SPATA20: variants seen among roughly 807,000 people sequenced by gnomAD.
SPATA20 encodes the protein spermatogenesis-associated protein 20.
In SPATA20, 74 loss-of-function variants were observed where a neutral mutation model predicts 98.9. The observed-to-expected ratio is 0.75, with a 90% CI of 0.62 to 0.91. The LOEUF (loss-of-function observed/expected upper bound fraction) is 0.91. Ranked by LOEUF, SPATA20 falls within the 40% of genes least tolerant of loss-of-function variation. SPATA20 has a pLI of 0.00. For missense variants in SPATA20, 1,016 were observed against 1,069.8 expected (o/e 0.95, Z 0.70); for synonymous variants, 430 against 440.5 (o/e 0.98, Z 0.30).
rs940059003 is a variant in SPATA20 at position 50,554,344 on chromosome 17, A to G, written c.2051A>G (p.Lys684Arg). 17 of 1,614,048 alleles carry G rather than the reference A, an allele frequency of 1.1e-5. No homozygotes were observed. The highest frequency in any genetic ancestry group is 1.7e-5 in the Admixed American group (1 of 60,008). Residue 684 changes from lysine to arginine, a missense_variant, in exon 15 of 17, where the codon AAG (lysine) becomes AGG (arginine). Physicochemically the swap from Lys to Arg is conservative, Grantham distance 26. Transcript: ENST00000006658. ...ACGGGCCACAAGGACTGGATGGACAAGTGTGTGTGCCTATTGACCGCCTTT... is the reference window on the plus strand; with the variant it reads ...ACGGGCCACAAGGACTGGATGGACAGGTGTGTGTGCCTATTGACCGCCTTT... ...GFTGHKDWMD[K>R]CVCLLTAFSE...
chr17:50,550,539 T>C lies in SPATA20; in HGVS notation c.1102T>C (p.Ser368Pro), dbSNP rs2034994939. The change falls in exon 10 of 17, where the codon TCT (serine) becomes CCT (proline). Residue 368 changes from serine to proline, a missense_variant. By Grantham distance (74) the Ser-to-Pro change is moderately conservative. Transcript: ENST00000006658. ...TCTCCTTTCTTCCCTTTCTTAGCTCTCTGGTGATGAATTCTACTCTGACGT... is the reference window on the plus strand; with the variant it reads ...TCTCCTTTCTTCCCTTTCTTAGCTCCCTGGTGATGAATTCTACTCTGACGT... ...AVAYSQAFQL[S>P]GDEFYSDVAK... 1 of 1,613,992 alleles carries C rather than the reference T, an allele frequency of 6.2e-7. No homozygotes were observed. Among genetic ancestry groups the C allele is most frequent in the Non-Finnish European group, 8.5e-7 (1 of 1,179,898 alleles).
intron 11 of SPATA20, 31 bp downstream of exon 11, chr17:50,550,948 C>T: frequency 6.2e-7 from 1 of 1,612,316 alleles, no homozygotes; most frequent in East Asian, 2.2e-5. Flanking sequence ...CTGACGGGCC[C>T]TGGTGCCTGC....
intron 1 of SPATA20, 96 bp from the exon 2 acceptor site, chr17:50,547,624 G>C: frequency 1.3e-6 from 1 of 766,650 alleles, no homozygotes; most frequent in South Asian, 1.4e-5. Flanking sequence ...CCTGTGCCCT[G>C]TCACAGTCCT....
intron 14 of SPATA20, 148 bp downstream of exon 14, chr17:50,552,328 C>T (rs2035029962): frequency 3.0e-6 from 2 of 666,818 alleles, no homozygotes; most frequent in African/African-American, 1.8e-5. Context: ...ATTTCTGTGT[C>T]TCAATTTCTT....
chr17:50,551,278 C>G, intron 12 of SPATA20, 88 bp downstream of exon 12: 2 of 1,302,690 alleles, frequency 1.5e-6, no homozygotes, highest in Non-Finnish European at 1.1e-6. Flanking sequence ...AATGCTCACT[C>G]TCCCTTGATT....
chr17:50,548,946 G>A lies in SPATA20; in HGVS notation c.498G>A (p.Val166=), dbSNP rs2034961589. The A allele has an allele frequency of 1.2e-6, 2 of 1,614,052 alleles. No individual in the cohort carries two copies. Among genetic ancestry groups the A allele is most frequent in the South Asian group, 2.2e-5 (2 of 91,094 alleles). ...AGGAGCGGCCTGACGTGGACAAGGTGTACATGACGTTCGTGCAGGTGAGCA... is the reference window on the plus strand; with the variant it reads ...AGGAGCGGCCTGACGTGGACAAGGTATACATGACGTTCGTGCAGGTGAGCA... ...DREERPDVDK[V]YMTFVQATSS... Residue 166 remains valine, a synonymous_variant, in exon 5 of 17, where the codon GTG becomes GTA. Transcript: ENST00000006658.
At chr17:50,555,152 G>A in intron 15 of SPATA20, 80 bp from the exon 16 acceptor site, 1 of 1,114,166 alleles carries the variant, frequency 9.0e-7, no homozygotes, top group South Asian at 1.3e-5. Flanking sequence ...GGGGCGGAAG[G>A]AGGATGGGGA....
intron 16 of SPATA20, 71 bp downstream of exon 16, chr17:50,555,383 TCTC>T: frequency 1.3e-6 from 2 of 1,596,698 alleles, no homozygotes. Context: ...CTCCTCAACA[TCTC>T]CTTCCCCTCA....
chr17:50,555,646 A>G lies in SPATA20; in HGVS notation c.2393A>G (p.Lys798Arg). 1 of 1,613,908 alleles carries G rather than the reference A, an allele frequency of 6.2e-7. No homozygotes were observed. The highest frequency in any genetic ancestry group is 8.5e-7 in the Non-Finnish European group (1 of 1,179,928). ...ATCACTGATCCCTGCGAATTACGAAAACTACTACATCCATGACTGCCCCAA... is the reference window on the plus strand; with the variant it reads ...ATCACTGATCCCTGCGAATTACGAAGACTACTACATCCATGACTGCCCCAA... ...VPITDPCELR[K>R]LLHP Residue 798 changes from lysine (K) to arginine (R), a missense_variant, in exon 17 of 17, where the codon AAA (lysine) becomes AGA (arginine). Transcript: ENST00000006658.
rs2034966314 is a variant in SPATA20 at position 50,549,155 on chromosome 17, T to C, written c.629T>C (p.Phe210Ser). Residue 210 changes from phenylalanine (F) to serine (S), a missense_variant, in exon 6 of 17, where the codon TTC becomes TCC. Phe to Ser is a radical substitution (Grantham distance 155, BLOSUM62 -2). Transcript: ENST00000006658. ...PPEDGLTRVG[F>S]RTVLLRIREQ... The stretch of plus-strand genomic sequence containing the variant: ...GAGGATGGCTTGACCCGAGTCGGCT[T>C]CCGCACAGTGTTGCTGAGAATACGA... 2.5e-6 allele frequency: 4 copies of C among 1,607,674 alleles called. No individual in the cohort carries two copies. Among genetic ancestry groups the C allele is most frequent in the Non-Finnish European group, 2.5e-6 (3 of 1,176,562 alleles).
chr17:50,552,369 T>C (rs555319951), intron 14 of SPATA20, among the ~76,000 whole-genome samples, 189 bp downstream of exon 14: 5 of 152,330 alleles, frequency 3.3e-5, no homozygotes, highest in Admixed American at 2.6e-4. Flanking sequence ...TCTTGCTATG[T>C]TGCCCAGGCT....
rs1567911072 is a variant in SPATA20 at position 50,552,049 on chromosome 17, A to G, written c.1826A>G (p.Glu609Gly). The G allele has an allele frequency of 6.2e-7, 1 of 1,613,804 alleles. No homozygotes were observed. Residue 609 changes from glutamate to glycine, a missense_variant, in exon 14 of 17, where the codon GAG (glutamate) becomes GGG (glycine). Physicochemically the swap from Glu to Gly is moderately conservative, Grantham distance 98 (BLOSUM62 -2). Transcript: ENST00000006658. ...GLLDLYEASQ[E>G]SAWLEWALRL... ...CTGGACCTGTATGAGGCCTCACAGG[A>G]GAGTGCGTGGCTCGAGTGGGCTCTG...
chr17:50,553,035 C>T (rs1001217182), intron 14 of SPATA20, among the ~76,000 whole-genome samples: 8 of 152,088 alleles, frequency 5.3e-5, no homozygotes, highest in East Asian at 3.9e-4. Context: ...GGGGAGACAG[C>T]GAAAATGCAG....
chr17:50,555,132 G>C (rs1277746785), intron 15 of SPATA20, 100 bp from the exon 16 acceptor site: 1 of 905,502 alleles, frequency 1.1e-6, no homozygotes, highest in African/African-American at 1.6e-5. Context: ...CCTTCTTAGA[G>C]ATATACGGTG....
At chr17:50,551,893 G>A (rs984782799) in intron 13 of SPATA20, 76 bp from the exon 14 acceptor site, 19 of 1,383,808 alleles carry the variant, frequency 1.4e-5, no homozygotes, top group East Asian at 5.0e-5. Flanking sequence ...GAACAAATGC[G>A]TGAAAGGGCC....
rs2034984453 is a variant in SPATA20, at chr17:50,549,988, T to G, written c.866T>G (p.Ile289Ser). Residue 289 changes from isoleucine (I) to serine (S), a missense_variant, in exon 8 of 17, where the codon ATC (isoleucine) becomes AGC (serine). Ile to Ser is a moderately radical substitution (Grantham distance 142, BLOSUM62 -2). Transcript: ENST00000006658. The part of the protein sequence containing the change: ...AEAPKFPTPV[I>S]LSFLFSYWLS... ...CATGTTCTTGGTGCCCCCACAGTGA[T>G]CCTGAGCTTCCTGTTCTCCTACTGG... 1 of 1,545,366 alleles carries G rather than the reference T, an allele frequency of 6.5e-7. No homozygotes were observed. Among genetic ancestry groups the G allele is most frequent in the African/African-American group, 1.4e-5 (1 of 73,260 alleles).
Position 50,551,577 on chromosome 17 carries a change from C to G in SPATA20, c.1643C>G (p.Ala548Gly), listed in dbSNP as rs762536990. Reference protein sequence around the residue: ...VLGQDRLINYATNGAKFLKRH... With the variant: ...VLGQDRLINYGTNGAKFLKRH... ...GGCCAAGACAGGCTGATCAACTATG[C>G]CACCAATGGTGCCAAGTTCCTGAAG... The change falls in exon 13 of 17, where the codon GCC becomes GGC. Residue 548 changes from alanine (A) to glycine (G), a missense_variant. Physicochemically the swap from Ala to Gly is moderately conservative, Grantham distance 60. Coordinates refer to ENST00000006658, the MANE Select transcript of SPATA20 (RefSeq NM_022827.4). 6.2e-7 allele frequency: 1 copy of G among 1,607,454 alleles called. No homozygotes were observed. The highest frequency in any genetic ancestry group is 1.7e-5 in the Admixed American group (1 of 59,930).
rs764443690 is a variant in SPATA20 at position 50,550,934 on chromosome 17, T to C, written c.1383+17T>C. ...CCCAGTCAGGTGAGGACTTCTGGGG[T>C]CACCTGACGGGCCCTGGTGCCTGCC... On this transcript the variant is annotated intron_variant, in intron 11 of 16. Coordinates refer to ENST00000006658, the MANE Select transcript of SPATA20 (RefSeq NM_022827.4). 2 of 1,612,206 alleles carry C rather than the reference T, an allele frequency of 1.2e-6. No individual in the cohort carries two copies. The highest frequency in any genetic ancestry group is 1.7e-6 in the Non-Finnish European group (2 of 1,179,346).
intron 15 of SPATA20, among the ~76,000 whole-genome samples, chr17:50,554,970 G>T (rs1274478278): frequency 6.7e-6 from 1 of 148,420 alleles, no homozygotes; most frequent in Non-Finnish European, 1.5e-5. Context: ...GTGTGCTCTG[G>T]GTCTTCTGGG....
Sources: gnomAD v4.1 joint callset for allele counts (sites outside exome capture counted in the v4.1 genomes callset) on GRCh38, gnomAD v4.1.1 for gene constraint, MANE v1.5 for transcripts, NCBI Gene and HGNC (gene_info 2026-07-23, HGNC 2026-07-21) for gene names.